Variants in HSDL2 observed in about 807,000 individuals in gnomAD.
HSDL2 encodes hydroxysteroid dehydrogenase-like protein 2.
HSDL2 carries 27 observed loss-of-function variants against 46.3 expected under a neutral mutation model. The ratio of observed to expected loss-of-function variants is 0.58; its 90% CI spans 0.43 to 0.80. The LOEUF (loss-of-function observed/expected upper bound fraction) is 0.80, where lower values mean the gene tolerates loss of function less well. HSDL2 is among the 30% of genes least tolerant of loss of function. The pLI, the probability that HSDL2 is intolerant of heterozygous loss-of-function variation, is 0.00. For missense variants in HSDL2, 451 were observed against 502.7 expected (o/e 0.90, Z 0.98); for synonymous variants, 153 against 163.6 (o/e 0.94, Z 0.50).
intron 6 of HSDL2, among the ~76,000 whole-genome samples, chr9:112,435,901 AT>A (rs750527825): frequency 8.9e-4 from 132 of 148,728 alleles, no homozygotes; most frequent in Middle Eastern, 6.9e-3. Flanking sequence ...TTCAGCTGCT[AT>A]TTTTTTTTTA....
intron 4 of HSDL2, among the ~76,000 whole-genome samples, chr9:112,413,199 C>T (rs1831916023): frequency 6.6e-6 from 1 of 151,944 alleles, no homozygotes; most frequent in Admixed American, 6.6e-5. Flanking sequence ...TCTATTTTGG[C>T]CAGGTGTGGT....
At position 112,466,145 on chromosome 9, in the gene HSDL2, A is replaced by G. The variant is rs75800986; in HGVS notation, c.1145-4287A>G. ...TTTTGATTTGCATTTCTCTAATGAC[A>G]AATGATATCATACTTTTTTTATGTG... On this transcript the variant is annotated intron_variant, in intron 10 of 10. Coordinates refer to ENST00000398805, the MANE Select transcript of HSDL2 (RefSeq NM_032303.5). Among the ~76,000 whole-genome samples, 616 of 152,370 alleles carry G rather than the reference A, an allele frequency of 4.0e-3. 5 individuals are homozygous for G. Among genetic ancestry groups the G allele is most frequent in the African/African-American group, 0.014 (595 of 41,596 alleles).
chr9:112,386,886 C>T (rs916214474), intron 1 of HSDL2, among the ~76,000 whole-genome samples: 1 of 152,146 alleles, frequency 6.6e-6, no homozygotes. Flanking sequence ...ATGGACTCCA[C>T]TACAGGACAT....
rs199836032 is a variant in HSDL2, at chr9:112,463,503, C to A, written c.1144+3926C>A. On this transcript the variant is annotated intron_variant, in intron 10 of 10. Transcript: ENST00000398805. ...GCAATGTATTAAGGTTCCATTTTCT[C>A]TACCTATTCACCAACACTTGTTGTC... 2.4e-4 allele frequency among the ~76,000 whole-genome samples: 36 copies of A among 152,314 alleles called. No homozygotes were observed. The East Asian group carries it at 6.0e-3, about 25-fold the overall frequency.
chr9:112,464,289 C>T (rs1486201885), intron 10 of HSDL2, among the ~76,000 whole-genome samples: 1 of 151,940 alleles, frequency 6.6e-6, no homozygotes, highest in East Asian at 1.9e-4. Flanking sequence ...TGAATATTGT[C>T]AGATTCTTTA....
intron 8 of HSDL2, among the ~76,000 whole-genome samples, chr9:112,446,855 C>T (rs1832769173): frequency 6.6e-6 from 1 of 152,178 alleles, no homozygotes; most frequent in Non-Finnish European, 1.5e-5. Flanking sequence ...TTGAGTGTGT[C>T]TTGAAAAGTA....
intron 10 of HSDL2, among the ~76,000 whole-genome samples, chr9:112,469,134 A>C (rs1587976433): frequency 6.6e-6 from 1 of 152,166 alleles, no homozygotes; most frequent in Non-Finnish European, 1.5e-5. Context: ...TTATTCATTA[A>C]AATAAAAGAG....
At chr9:112,437,313 A>G (rs187511488) in intron 6 of HSDL2, among the ~76,000 whole-genome samples, 17 of 152,228 alleles carry the variant, frequency 1.1e-4, no homozygotes, top group Admixed American at 1.0e-3. Flanking sequence ...AAGGACCCCC[A>G]GAAATCCAAC....
Position 112,471,490 on chromosome 9 carries a change from G to A in HSDL2, c.*946G>A, listed in dbSNP as rs376517155. 2 of 152,254 alleles carry A rather than the reference G, an allele frequency of 1.3e-5. No homozygotes were observed. Among genetic ancestry groups the A allele is most frequent in the Non-Finnish European group, 2.9e-5 (2 of 68,106 alleles). The allele number at this position is 152,254 out of a possible 1,614,324, so 9.4% of individuals were successfully genotyped here. A position where few individuals can be genotyped will look rare whatever the true frequency, so the allele number is the denominator to read the frequency against. On this transcript the variant is annotated 3_prime_UTR_variant, in exon 11 of 11. Coordinates refer to ENST00000398805, the MANE Select transcript of HSDL2 (RefSeq NM_032303.5). ...GCAGTTATCTGCAAGCAAAGAGAGA[G>A]GCTTCAGAAGAAACAAAATCACCAG...
chr9:112,422,857 A>G (rs1446796117), intron 6 of HSDL2, among the ~76,000 whole-genome samples: 1 of 152,228 alleles, frequency 6.6e-6, no homozygotes, highest in Admixed American at 6.5e-5. Flanking sequence ...CAGGCAGAAT[A>G]TATGTTACTT....
At chr9:112,447,163 T>C (rs1384949206) in intron 8 of HSDL2, among the ~76,000 whole-genome samples, 1 of 152,210 alleles carries the variant, frequency 6.6e-6, no homozygotes, top group Admixed American at 6.5e-5. Flanking sequence ...GGAGAGCCTG[T>C]GTCAGGGACT....
rs867984867 is a variant in HSDL2, at chr9:112,380,129, G to C, written c.-35G>C. Reference sequence around the variant, plus strand: ...CTTTAGCTCTCTGCTCGCCGCCGCCGCTGTCGCCGCCACCTCCTCTGATCT... The same window carrying C: ...CTTTAGCTCTCTGCTCGCCGCCGCCCCTGTCGCCGCCACCTCCTCTGATCT... On this transcript the variant is annotated 5_prime_UTR_variant, in exon 1 of 11. Transcript: ENST00000398805. 1 of 1,552,274 alleles carries C rather than the reference G, an allele frequency of 6.4e-7. No homozygotes were observed. Among genetic ancestry groups the C allele is most frequent in the Middle Eastern group, 1.7e-4 (1 of 5,852 alleles).
Position 112,471,406 on chromosome 9 carries a change from A to G in HSDL2, c.*862A>G, listed in dbSNP as rs999654355. 15 of 152,366 alleles carry G rather than the reference A, an allele frequency of 9.8e-5. No homozygotes were observed. The highest frequency in any genetic ancestry group is 3.6e-4 in the African/African-American group (15 of 41,580). 9.4% of individuals were successfully genotyped at this position (152,366 alleles called of 1,614,324 possible). On this transcript the variant is annotated 3_prime_UTR_variant, in exon 11 of 11. Transcript: ENST00000398805. Reference sequence around the variant, plus strand: ...TAATCCAACATGGTGTCCTTTGGACATAAGAGATACCAGCAATGTGTGCAC... The same window carrying G: ...TAATCCAACATGGTGTCCTTTGGACGTAAGAGATACCAGCAATGTGTGCAC...
At chr9:112,454,485 G>A (rs542297511) in intron 9 of HSDL2, among the ~76,000 whole-genome samples, 4 of 151,924 alleles carry the variant, frequency 2.6e-5, no homozygotes, top group South Asian at 2.1e-4. Flanking sequence ...AGATCAGTGC[G>A]TACGGACACA....
At chr9:112,430,457 T>C (rs1832361310) in intron 6 of HSDL2, among the ~76,000 whole-genome samples, 1 of 152,136 alleles carries the variant, frequency 6.6e-6, no homozygotes, top group African/African-American at 2.4e-5. Flanking sequence ...TAGATTACTC[T>C]GGGTGAAATG....
At chr9:112,439,287 T>C (rs1334542271) in intron 7 of HSDL2, among the ~76,000 whole-genome samples, 1 of 152,202 alleles carries the variant, frequency 6.6e-6, no homozygotes, top group Non-Finnish European at 1.5e-5. Context: ...CGTGAGCCAC[T>C]GCACCTGGCA....
chr9:112,427,169 C>G (rs1422388371), intron 6 of HSDL2, among the ~76,000 whole-genome samples: 2 of 152,170 alleles, frequency 1.3e-5, no homozygotes, highest in Non-Finnish European at 2.9e-5. Flanking sequence ...ATTCTCCTGC[C>G]CCAGCCTCCC....
chr9:112,469,825 C>A (rs527607323), intron 10 of HSDL2: 2 of 152,292 alleles, frequency 1.3e-5, no homozygotes, highest in African/African-American at 2.4e-5. Context: ...ATGTGATAGA[C>A]CCCGTACTGA....
chr9:112,453,513 C>T (rs1488895927), intron 8 of HSDL2, among the ~76,000 whole-genome samples: 1 of 152,150 alleles, frequency 6.6e-6, no homozygotes, highest in Non-Finnish European at 1.5e-5. Flanking sequence ...TCACCTCAGC[C>T]TCCCAAGTAG....
Sources: allele counts gnomAD v4.1 joint callset (sites outside exome capture counted in the v4.1 genomes callset), GRCh38; gene constraint gnomAD v4.1.1; transcripts MANE v1.5; gene names NCBI Gene and HGNC (gene_info 2026-07-23, HGNC 2026-07-21).